The following CPXM2 variants were observed in gnomAD, a reference collection of about 807,000 sequenced individuals.
The protein encoded by CPXM2 is inactive carboxypeptidase-like protein X2.
In CPXM2, 66 loss-of-function variants were observed where a neutral mutation model predicts 86.1. That is an observed-to-expected ratio of 0.77 (90% confidence interval 0.63 to 0.94). The LOEUF (loss-of-function observed/expected upper bound fraction) is 0.94, where lower values mean the gene tolerates loss of function less well. CPXM2 is among the 40% of genes least tolerant of loss of function. The pLI is 0.00. For synonymous variants in CPXM2, 388 were observed against 400.2 expected (o/e 0.97, Z 0.36); for missense variants, 948 against 1,026.3 (o/e 0.92, Z 1.04).
intron 4 of CPXM2, among the ~76,000 whole-genome samples, chr10:123,828,315 T>C (rs574715147): frequency 4.0e-4 from 61 of 152,344 alleles, no homozygotes; most frequent in African/African-American, 1.4e-3. Flanking sequence ...ATTAAGTATT[T>C]ATAAGCAAAA....
intron 3 of CPXM2, among the ~76,000 whole-genome samples, chr10:123,850,379 G>A (rs1848575228): frequency 6.6e-6 from 1 of 152,190 alleles, no homozygotes; most frequent in Non-Finnish European, 1.5e-5. Context: ...GTTATCTGAA[G>A]TCAACCACAG....
rs529335613 is a variant in CPXM2 at position 123,780,870 on chromosome 10, G to T, written c.890-615C>A. On this transcript the variant is annotated intron_variant, in intron 6 of 13. Coordinates refer to ENST00000241305, the MANE Select transcript of CPXM2 (RefSeq NM_198148.3). ...GACAATCAGAACACAGCATCTACTG[G>T]CCACTGTAATTGATCCAGATTGAAG... Among the ~76,000 whole-genome samples, 5 of 152,202 alleles carry T rather than the reference G, an allele frequency of 3.3e-5. No homozygotes were observed. In the South Asian group the frequency reaches 8.3e-4, roughly 25 times the overall value.
intron 4 of CPXM2, among the ~76,000 whole-genome samples, chr10:123,801,246 C>T (rs1649146): frequency 0.65 from 98,337 of 152,046 alleles, 32,372 homozygotes; most frequent in Middle Eastern, 0.72. Context: ...CAAGACCTGA[C>T]GGTTTTGTAA....
At chr10:123,795,728 G>C (rs1847322787) in intron 6 of CPXM2, among the ~76,000 whole-genome samples, 1 of 151,992 alleles carries the variant, frequency 6.6e-6, no homozygotes. Flanking sequence ...CTCAATATTT[G>C]GGGGGTGGAA....
intron 4 of CPXM2, among the ~76,000 whole-genome samples, chr10:123,823,638 A>G (rs191202557): frequency 4.6e-5 from 7 of 152,294 alleles, no homozygotes; most frequent in Admixed American, 2.6e-4. Context: ...TAAGAAAATA[A>G]AGAGAGACAG....
chr10:123,908,935 A>G (rs1476682537), intron 2 of CPXM2, among the ~76,000 whole-genome samples: 1 of 152,206 alleles, frequency 6.6e-6, no homozygotes, highest in African/African-American at 2.4e-5. Flanking sequence ...ACAGTACCTT[A>G]TATCTTCAAT....
chr10:123,902,352 C>T (rs999900526), intron 2 of CPXM2, among the ~76,000 whole-genome samples: 1 of 152,180 alleles, frequency 6.6e-6, no homozygotes, highest in African/African-American at 2.4e-5. Flanking sequence ...GTTTACACAT[C>T]TGCAGAGTGG....
At chr10:123,877,617 C>T (rs1048555712) in intron 2 of CPXM2, among the ~76,000 whole-genome samples, 4 of 152,198 alleles carry the variant, frequency 2.6e-5, no homozygotes, top group African/African-American at 9.6e-5. Context: ...ATCTATTGGC[C>T]TAAACGAGGC....
intron 3 of CPXM2, among the ~76,000 whole-genome samples, chr10:123,848,145 G>A (rs1387047303): frequency 1.3e-5 from 2 of 152,196 alleles, no homozygotes; most frequent in African/African-American, 4.8e-5. Flanking sequence ...CCTTTTCAGG[G>A]GGAGGTTATC....
rs576715653 is a variant in CPXM2 at position 123,761,885 on chromosome 10, G to A, written c.1764C>T (p.His588=). ...EEGTVNGASW[H]TVAGSLNDFS... ...AGGGAGGCTTACTTCCAGCGACGGT[G>A]TGCCAGGAGGCCCCATTGACAGTGC... The change falls in exon 11 of 14, where the codon CAC becomes CAT. Residue 588 remains histidine, a synonymous_variant. Transcript: ENST00000241305. 2.5e-6 allele frequency: 4 copies of A among 1,613,490 alleles called. No homozygotes were observed. In the East Asian group the frequency reaches 6.7e-5, roughly 27 times the overall value.
chr10:123,780,111 AAT>A, intron 7 of CPXM2, 54 bp downstream of exon 7: 1 of 1,113,124 alleles, frequency 9.0e-7, no homozygotes. Flanking sequence ...ATGGACACAT[AAT>A]ATGTTGCTTT....
At chr10:123,930,912 T>C (rs564847228) in intron 2 of CPXM2, among the ~76,000 whole-genome samples, 1 of 152,322 alleles carries the variant, frequency 6.6e-6, no homozygotes, top group East Asian at 1.9e-4. Context: ...AATAAATCTT[T>C]CGTTCCCACA....
intron 4 of CPXM2, among the ~76,000 whole-genome samples, chr10:123,809,770 A>C (rs2134089922): frequency 6.6e-6 from 1 of 152,246 alleles, no homozygotes; most frequent in South Asian, 2.1e-4. Context: ...AATTTTGCTT[A>C]GTATACTTGG....
intron 3 of CPXM2, among the ~76,000 whole-genome samples, chr10:123,848,882 T>C (rs1175210593): frequency 1.3e-5 from 2 of 152,194 alleles, no homozygotes; most frequent in African/African-American, 4.8e-5. Flanking sequence ...ATAAAATATG[T>C]GATAATACCA....
chr10:123,930,944 C>A (rs373836380), intron 2 of CPXM2, among the ~76,000 whole-genome samples: 1 of 152,158 alleles, frequency 6.6e-6, no homozygotes, highest in Non-Finnish European at 1.5e-5. Context: ...GAGGGCAGGC[C>A]GGGGAAACTT....
At chr10:123,924,935 A>T (rs1050012610) in intron 2 of CPXM2, among the ~76,000 whole-genome samples, 4 of 151,806 alleles carry the variant, frequency 2.6e-5, no homozygotes, top group Non-Finnish European at 4.4e-5. Context: ...AGAACACCTT[A>T]TTGACGAGAA....
At chr10:123,814,918 G>A (rs1057386467) in intron 4 of CPXM2, among the ~76,000 whole-genome samples, 8 of 152,208 alleles carry the variant, frequency 5.3e-5, no homozygotes, top group Admixed American at 6.5e-5. Context: ...CCAGCTACTC[G>A]GCAGGTTGAG....
chr10:123,887,733 C>T (rs58344788), intron 1 of CPXM2, among the ~76,000 whole-genome samples: 3,433 of 152,104 alleles, frequency 0.023, 82 homozygotes, highest in South Asian at 0.074. Flanking sequence ...CACAAACAAA[C>T]ACACAATTGG....
At chr10:123,842,318 GT>G in intron 4 of CPXM2, 30 bp downstream of exon 4, 2 of 1,613,188 alleles carry the variant, frequency 1.2e-6, no homozygotes, top group Non-Finnish European at 1.7e-6. Context: ...CCAAAACAGG[GT>G]CCAGAAAGCA....
Sources: gnomAD v4.1 joint callset for allele counts (sites outside exome capture counted in the v4.1 genomes callset) on GRCh38, gnomAD v4.1.1 for gene constraint, MANE v1.5 for transcripts, NCBI Gene and HGNC (gene_info 2026-07-23, HGNC 2026-07-21) for gene names.